Variants in CFAP61 observed in about 807,000 individuals in gnomAD.
CFAP61 encodes cilia and flagella associated protein 61.
A neutral mutation model predicts 135.6 loss-of-function variants in CFAP61; 107 were observed. The ratio of observed to expected loss-of-function variants is 0.79; its 90% CI spans 0.67 to 0.93. The LOEUF (loss-of-function observed/expected upper bound fraction) is 0.93, where lower values mean the gene tolerates loss of function less well. Ranked by LOEUF, CFAP61 falls within the 40% of genes least tolerant of loss-of-function variation. The probability of loss-of-function intolerance (pLI) is 0.00; values close to 1 mark genes in which losing one functional copy is unlikely to be tolerated. For synonymous variants in CFAP61, 575 were observed against 578.5 expected (o/e 0.99, Z 0.09); for missense variants, 1,507 against 1,556.2 (o/e 0.97, Z 0.53).
At position 20,360,445 on chromosome 20, in the gene CFAP61, T is replaced by G. The variant is rs2059431206; in HGVS notation, c.*35T>G. 1 of 1,586,274 alleles carries G rather than the reference T, an allele frequency of 6.3e-7. No individual in the cohort carries two copies. Among genetic ancestry groups the G allele is most frequent in the Non-Finnish European group, 8.6e-7 (1 of 1,160,362 alleles). On this transcript the variant is annotated 3_prime_UTR_variant, in exon 27 of 27. Coordinates refer to ENST00000245957, the MANE Select transcript of CFAP61 (RefSeq NM_015585.4). ...GGGTCTCCCCTTTATGGTTTTCATTTATTTAGTTCCTGGAAACGCGCTCTG... is the reference window on the plus strand; with the variant it reads ...GGGTCTCCCCTTTATGGTTTTCATTGATTTAGTTCCTGGAAACGCGCTCTG...
intron 13 of CFAP61, among the ~76,000 whole-genome samples, chr20:20,170,778 C>T (rs569636440): frequency 5.3e-4 from 80 of 152,094 alleles, no homozygotes; most frequent in Non-Finnish European, 9.3e-4. Context: ...ATTATGATGA[C>T]GACTTGAAGA....
intron 17 of CFAP61, among the ~76,000 whole-genome samples, chr20:20,213,501 T>A (rs1327637773): frequency 6.6e-6 from 1 of 151,888 alleles, no homozygotes; most frequent in Non-Finnish European, 1.5e-5. Context: ...TCCATGGCAG[T>A]TGGCCTCCCA....
chr20:20,269,672 T>A (rs1173487752), intron 21 of CFAP61, among the ~76,000 whole-genome samples: 1 of 152,224 alleles, frequency 6.6e-6, no homozygotes, highest in Non-Finnish European at 1.5e-5. Flanking sequence ...ACTCCTGGCC[T>A]GTTTTTTAAT....
At chr20:20,177,152 A>AT (rs1039662060) in intron 13 of CFAP61, among the ~76,000 whole-genome samples, 5 of 151,538 alleles carry the variant, frequency 3.3e-5, no homozygotes, top group South Asian at 2.1e-4. Context: ...AGTTTTACAT[A>AT]TTTTTTTTCT....
At chr20:20,144,021 T>C (rs2051648265) in intron 9 of CFAP61, among the ~76,000 whole-genome samples, 1 of 152,188 alleles carries the variant, frequency 6.6e-6, no homozygotes, top group Admixed American at 6.5e-5. Flanking sequence ...AAGAGTCTTG[T>C]GGAGAATAAT....
chr20:20,282,201 T>C (rs2054248142), intron 22 of CFAP61, among the ~76,000 whole-genome samples: 1 of 152,200 alleles, frequency 6.6e-6, no homozygotes, highest in Non-Finnish European at 1.5e-5. Context: ...TCTCTTTCTC[T>C]CTCTCTCCCA....
At chr20:20,106,611 A>G (rs927105924) in intron 8 of CFAP61, among the ~76,000 whole-genome samples, 1 of 152,200 alleles carries the variant, frequency 6.6e-6, no homozygotes, top group Non-Finnish European at 1.5e-5. Context: ...TATGATCATT[A>G]TGTGCTGGGA....
At chr20:20,130,777 A>C (rs1261964375) in intron 8 of CFAP61, among the ~76,000 whole-genome samples, 2 of 151,822 alleles carry the variant, frequency 1.3e-5, no homozygotes, top group African/African-American at 4.9e-5. Flanking sequence ...CAAATCTCCT[A>C]CAGTGTGGTG....
At position 20,169,444 on chromosome 20, in the gene CFAP61, C is replaced by T. The variant is rs566090545; in HGVS notation, c.1369C>T (p.Arg457Trp). The part of the protein sequence containing the change: ...TLEQDLYVFH[R>W]AGLLKSINIR... ...CGAGCAGGACCTCTACGTCTTCCAC[C>T]GGGCTGGATTGCTCAAGTGAGTAGA... Residue 457 changes from arginine to tryptophan, a missense_variant, in exon 13 of 27, where the codon CGG becomes TGG. By Grantham distance (101) the Arg-to-Trp change is moderately radical. Coordinates refer to ENST00000245957, the MANE Select transcript of CFAP61 (RefSeq NM_015585.4). 31 of 1,613,136 alleles carry T rather than the reference C, an allele frequency of 1.9e-5. No homozygotes were observed. In the East Asian group the frequency reaches 3.3e-4, roughly 17 times the overall value.
intron 9 of CFAP61, 78 bp downstream of exon 9, chr20:20,143,026 G>A (rs1412630299): frequency 1.2e-6 from 1 of 835,020 alleles, no homozygotes; most frequent in Non-Finnish European, 1.9e-6. Context: ...GGCATCTCTG[G>A]TGCTGGCGTC....
chr20:20,053,411 T>G (rs6075608), intron 1 of CFAP61, among the ~76,000 whole-genome samples: 8,343 of 152,254 alleles, frequency 0.055, 272 homozygotes, highest in East Asian at 0.1. Context: ...GTTACAATCT[T>G]GAACCTACAT....
At chr20:20,154,305 A>T (rs1488279365) in intron 9 of CFAP61, among the ~76,000 whole-genome samples, 1 of 152,144 alleles carries the variant, frequency 6.6e-6, no homozygotes. Context: ...CAAGACGAGG[A>T]TGCACATTTT....
intron 26 of CFAP61, among the ~76,000 whole-genome samples, chr20:20,343,657 A>G (rs1189954960): frequency 6.6e-6 from 1 of 152,176 alleles, no homozygotes; most frequent in Admixed American, 6.5e-5. Context: ...GCAGAATGTC[A>G]TCCGCAGCTT....
chr20:20,164,142 GCC>G lies in CFAP61; in HGVS notation c.1121_1122del (p.Pro374ArgfsTer22). 6.2e-7 allele frequency: 1 copy of G among 1,614,058 alleles called. No individual in the cohort carries two copies. The highest frequency in any genetic ancestry group is 8.5e-7 in the Non-Finnish European group (1 of 1,179,976). On this transcript the variant is annotated frameshift_variant, in exon 11 of 27. Transcript: ENST00000245957. LOFTEE classifies it high-confidence loss of function. The stretch of plus-strand genomic sequence containing the variant: ...TGGCATCGCTCGTACTGCCTGAAGA[GCC>G]CGTCCACTTCCGCCCCATCTACAGG... ...SLASLVLPEE[P>X]VHFRPIYRGA...
chr20:20,106,239 C>T (rs1016318556), intron 8 of CFAP61, among the ~76,000 whole-genome samples: 1 of 151,898 alleles, frequency 6.6e-6, no homozygotes, highest in Non-Finnish European at 1.5e-5. Context: ...AGACCTGAAG[C>T]CCAGAACTTG....
chr20:20,180,616 C>T (rs552210908), intron 13 of CFAP61, among the ~76,000 whole-genome samples: 3 of 152,168 alleles, frequency 2.0e-5, no homozygotes, highest in South Asian at 2.1e-4. Flanking sequence ...TCCTCAAAGA[C>T]GTAAAAGCAG....
In CFAP61 at chr20:20,199,285, A is replaced by C. The variant is rs574292984; in HGVS notation, c.1798-483A>C. On this transcript the variant is annotated intron_variant, in intron 16 of 26. Transcript: ENST00000245957. The stretch of plus-strand genomic sequence containing the variant: ...TTGTTGTTGAACAAAGGTCTGGTTG[A>C]AGTCACTGTGAGTGACTTACAAACA... 3.9e-5 allele frequency among the ~76,000 whole-genome samples: 6 copies of C among 152,206 alleles called. No homozygotes were observed. In the South Asian group the frequency reaches 1.2e-3, roughly 32 times the overall value.
At chr20:20,312,191 A>G (rs1569282179) in intron 25 of CFAP61, among the ~76,000 whole-genome samples, 1 of 152,250 alleles carries the variant, frequency 6.6e-6, no homozygotes, top group Non-Finnish European at 1.5e-5. Context: ...GAGAAAAATC[A>G]ATCAACAAAA....
chr20:20,112,569 G>A (rs2048873589), intron 8 of CFAP61, among the ~76,000 whole-genome samples: 1 of 151,934 alleles, frequency 6.6e-6, no homozygotes. Flanking sequence ...GGAATTTATA[G>A]CAGCTGAACT....
Sources: gnomAD v4.1 joint callset for allele counts (sites outside exome capture counted in the v4.1 genomes callset) on GRCh38, gnomAD v4.1.1 for gene constraint, MANE v1.5 for transcripts, NCBI Gene and HGNC (gene_info 2026-07-23, HGNC 2026-07-21) for gene names.